Variants in MPRIP observed in about 807,000 individuals in gnomAD.
The protein encoded by MPRIP is myosin phosphatase Rho interacting protein, also known as myosin phosphatase Rho-interacting protein.
A neutral mutation model predicts 234.9 loss-of-function variants in MPRIP; 59 were observed. The ratio of observed to expected loss-of-function variants is 0.25; its 90% confidence interval spans 0.20 to 0.31. The LOEUF (loss-of-function observed/expected upper bound fraction) is 0.31. MPRIP is among the 10% of genes least tolerant of loss of function. MPRIP has a pLI of 1.00. For synonymous variants in MPRIP, 1,144 were observed against 1,263.9 expected (o/e 0.91, Z 2.01); for missense variants, 2,436 against 3,071.0 (o/e 0.79, Z 4.89).
intron 16 of MPRIP, chr17:17,170,763 C>T (rs542965820): frequency 6.6e-6 from 1 of 152,320 alleles, no homozygotes; most frequent in African/African-American, 2.4e-5. Context: ...AGGATTTAGA[C>T]AGAAAGTGTG....
Position 17,185,445 on chromosome 17 carries a change from A to G in MPRIP, c.*551A>G, listed in dbSNP as rs1307344284. On this transcript the variant is annotated 3_prime_UTR_variant, in exon 24 of 24. Transcript: ENST00000651222. ...GAGGACAGCATTTTGTATTTGTTCC[A>G]CTGATGCAGCTTAGAACCACACCCC... The G allele has an allele frequency of 2.2e-6, 1 of 453,440 alleles. No homozygotes were observed. Among genetic ancestry groups the G allele is most frequent in the Middle Eastern group, 3.4e-4 (1 of 2,976 alleles). 28.1% of individuals were successfully genotyped at this position (453,440 alleles called of 1,614,324 possible).
At chr17:17,180,363 C>G (rs1323665217) in intron 23 of MPRIP, among the ~76,000 whole-genome samples, 5 of 152,244 alleles carry the variant, frequency 3.3e-5, no homozygotes, top group Non-Finnish European at 4.4e-5. Context: ...AGGTTTCACC[C>G]AGCCCTGCTC....
rs2045989046 is a variant in MPRIP, at chr17:17,166,104, C to G, written c.4513C>G (p.Leu1505Val). Residue 1505 changes from leucine to valine, a missense_variant, in exon 16 of 24, where the codon CTG (leucine) becomes GTG (valine). Transcript: ENST00000651222. The surrounding 1 kb of genome is among the most constrained non-coding windows in gnomAD (Gnocchi z 4.4). ...EDEQDARAAS[L>V]ASVESALVSA... ...TGAGCAGGACGCACGCGCAGCCTCCCTGGCCAGTGTGGAGAGTGCACTCGT... is the reference window on the plus strand; with the variant it reads ...TGAGCAGGACGCACGCGCAGCCTCCGTGGCCAGTGTGGAGAGTGCACTCGT... 7.7e-7 allele frequency: 1 copy of G among 1,299,060 alleles called. No homozygotes were observed. The highest frequency in any genetic ancestry group is 1.2e-5 in the South Asian group (1 of 80,644). The allele number at this position is 1,299,060 out of a possible 1,614,324, so 80.5% of individuals were successfully genotyped here. A position where few individuals can be genotyped will look rare whatever the true frequency, so the allele number is the denominator to read the frequency against.
intron 1 of MPRIP, among the ~76,000 whole-genome samples, chr17:17,061,969 T>A (rs1340761046): frequency 6.6e-6 from 1 of 152,044 alleles, no homozygotes; most frequent in Non-Finnish European, 1.5e-5. Context: ...TCTGACATGA[T>A]CATTTTTTTT....
intron 1 of MPRIP, among the ~76,000 whole-genome samples, chr17:17,048,308 C>T (rs2088422478): frequency 6.6e-6 from 1 of 152,122 alleles, no homozygotes; most frequent in South Asian, 2.1e-4. Context: ...CTGCGGGGGC[C>T]TCAGGTGGGA....
At chr17:17,045,341 G>C (rs897896465) in intron 1 of MPRIP, among the ~76,000 whole-genome samples, 1 of 152,160 alleles carries the variant, frequency 6.6e-6, no homozygotes, top group Admixed American at 6.5e-5. Flanking sequence ...GGTTTTGTTT[G>C]TTTGTTTTTC....
chr17:17,086,195 G>T (rs2089586682), intron 3 of MPRIP, among the ~76,000 whole-genome samples: 1 of 152,268 alleles, frequency 6.6e-6, no homozygotes, highest in Admixed American at 6.5e-5. Flanking sequence ...AGGAGAAGCG[G>T]CTGGGTCCGG....
At chr17:17,075,132 G>A (rs60383568) in intron 1 of MPRIP, among the ~76,000 whole-genome samples, 33 of 152,238 alleles carry the variant, frequency 2.2e-4, no homozygotes, top group African/African-American at 7.9e-4. Flanking sequence ...TATCTCATCA[G>A]TCCTCACATC....
At chr17:17,144,842 G>A (rs886785753) in intron 9 of MPRIP, among the ~76,000 whole-genome samples, 7 of 152,190 alleles carry the variant, frequency 4.6e-5, no homozygotes, top group Admixed American at 1.3e-4. Flanking sequence ...GCGACAGAGC[G>A]AGACTCCGTC....
In MPRIP at chr17:17,165,767, C is replaced by CA; in HGVS notation, c.4177dup (p.Thr1393AsnfsTer21). On this transcript the variant is annotated frameshift_variant, in exon 16 of 24. Transcript: ENST00000651222. LOFTEE classifies it high-confidence loss of function. ...ACTCCCTGGAGACCAAGCTCTACGTCACAGAGGAAAAGCTCAAAGACGTGA... is the reference window on the plus strand; with the variant it reads ...ACTCCCTGGAGACCAAGCTCTACGTCAACAGAGGAAAAGCTCAAAGACGTGA... 7.7e-7 allele frequency: 1 copy of CA among 1,304,780 alleles called. No individual in the cohort carries two copies. Among genetic ancestry groups the CA allele is most frequent in the Non-Finnish European group, 1.0e-6 (1 of 988,984 alleles). 80.8% of individuals were successfully genotyped at this position (1,304,780 alleles called of 1,614,324 possible).
rs918739504 is a variant in MPRIP at position 17,185,035 on chromosome 17, C to T, written c.*141C>T. On this transcript the variant is annotated 3_prime_UTR_variant, in exon 24 of 24. Transcript: ENST00000651222. ...CATCGTTAACTGTGGGCATGGAATG[C>T]GTGAGGCTGGCTTCTGGGTTGTCCA... 17 of 582,758 alleles carry T rather than the reference C, an allele frequency of 2.9e-5. No homozygotes were observed. Among genetic ancestry groups the T allele is most frequent in the Admixed American group, 1.7e-4 (7 of 40,514 alleles). The allele number at this position is 582,758 out of a possible 1,614,324, so 36.1% of individuals were successfully genotyped here. A position where few individuals can be genotyped will look rare whatever the true frequency, so the allele number is the denominator to read the frequency against.
chr17:17,103,605 T>A (rs913881631), intron 3 of MPRIP, among the ~76,000 whole-genome samples: 3 of 152,206 alleles, frequency 2.0e-5, no homozygotes, highest in Non-Finnish European at 4.4e-5. Context: ...CCCAGGCCCC[T>A]GCTCTGTCTC....
chr17:17,095,853 C>T (rs2089826133), intron 3 of MPRIP, among the ~76,000 whole-genome samples: 1 of 152,186 alleles, frequency 6.6e-6, no homozygotes, highest in Non-Finnish European at 1.5e-5. Context: ...CAGCCTGCCT[C>T]CTCCTAGCTG....
At chr17:17,054,214 G>A (rs1245087276) in intron 1 of MPRIP, among the ~76,000 whole-genome samples, 1 of 152,160 alleles carries the variant, frequency 6.6e-6, no homozygotes, top group Non-Finnish European at 1.5e-5. Flanking sequence ...CAGTCATGGT[G>A]GTAGGTTAAA....
At chr17:17,175,263 G>C (rs371260586) in intron 19 of MPRIP, 30 bp from the exon 20 acceptor site, 4 of 1,612,476 alleles carry the variant, frequency 2.5e-6, no homozygotes, top group Non-Finnish European at 2.5e-6. Context: ...GGCAGCTCTG[G>C]AGTGTCACTG....
chr17:17,103,915 T>G (rs912688894), intron 3 of MPRIP, among the ~76,000 whole-genome samples: 4 of 152,166 alleles, frequency 2.6e-5, no homozygotes, highest in Admixed American at 1.3e-4. Context: ...GTGAGATATC[T>G]CCTAGGATGG....
intron 3 of MPRIP, among the ~76,000 whole-genome samples, chr17:17,082,306 T>C (rs2089480632): frequency 6.9e-6 from 1 of 144,132 alleles, no homozygotes; most frequent in Non-Finnish European, 1.5e-5. Context: ...TTTTTTTTTT[T>C]TTTTTTGAGA....
In MPRIP at chr17:17,167,576, A is replaced by G. The variant is rs114683954; in HGVS notation, c.5985A>G (p.Ile1995Met). Residue 1995 changes from isoleucine to methionine, a missense_variant, in exon 16 of 24, where the codon ATA becomes ATG. Ile to Met is a conservative substitution (Grantham distance 10). This residue lies in a region of MPRIP where 1,998 missense variants were observed against 2,520.3 expected (regional missense o/e 0.79). Coordinates refer to ENST00000651222, the MANE Select transcript of MPRIP (RefSeq NM_001364716.4). This position sits in a 1 kb window ranked among gnomAD's most constrained non-coding sequence, Gnocchi z 5.9. The stretch of plus-strand genomic sequence containing the variant: ...TGGAGAGGCATCATGGTGAGCAGAT[A>G]CAGACCCTGGAGGACAGGTTCCAGC... ...QDMERHHGEQ[I>M]QTLEDRFQLK... 88 of 1,304,272 alleles carry G rather than the reference A, an allele frequency of 6.7e-5. No homozygotes were observed. In the African/African-American group the frequency reaches 1.3e-3, roughly 19 times the overall value. The allele number at this position is 1,304,272 out of a possible 1,614,324, so 80.8% of individuals were successfully genotyped here.
At chr17:17,159,140 G>A (rs569225178) in intron 14 of MPRIP, 138 bp downstream of exon 14, 547 of 837,336 alleles carry the variant, frequency 6.5e-4, no homozygotes, top group Non-Finnish European at 9.1e-4. Flanking sequence ...GGAGACAGAC[G>A]CATAGATGAG....
Sources: allele counts gnomAD v4.1 joint callset (sites outside exome capture counted in the v4.1 genomes callset), GRCh38; gene constraint gnomAD v4.1.1; regional missense constraint gnomAD v4.1.1; non-coding constraint Gnocchi (gnomAD v3.1); transcripts MANE v1.5; gene names NCBI Gene and HGNC (gene_info 2026-07-23, HGNC 2026-07-21).